Variants in PARD3B observed in about 807,000 individuals in gnomAD.
PARD3B encodes the protein partitioning defective 3 homolog B.
PARD3B carries 103 observed loss-of-function variants against 130.2 expected under a neutral mutation model. The ratio of observed to expected loss-of-function variants is 0.79; its 90% CI spans 0.67 to 0.93. The LOEUF (loss-of-function observed/expected upper bound fraction) is 0.93, where lower values mean the gene tolerates loss of function less well. Among genes scored for constraint, PARD3B ranks in the 40% least tolerant of loss-of-function variants. The pLI is 0.00. For missense variants in PARD3B, 1,609 were observed against 1,499.2 expected (o/e 1.07, Z -1.21); for synonymous variants, 583 against 553.2 (o/e 1.05, Z -0.76).
intron 15 of PARD3B, among the ~76,000 whole-genome samples, chr2:205,210,253 A>G (rs6731255): frequency 6.6e-6 from 1 of 151,684 alleles, no homozygotes; most frequent in Non-Finnish European, 1.5e-5. Context: ...AAATAAAAAG[A>G]AAATCAGCTT....
chr2:204,953,065 T>G (rs171049), intron 2 of PARD3B, among the ~76,000 whole-genome samples: 99,018 of 148,198 alleles, frequency 0.67, 34,732 homozygotes, highest in African/African-American at 0.88. Flanking sequence ...CGTATATATA[T>G]AGAGAGAGAG....
rs143725954 is a variant in PARD3B at position 205,386,124 on chromosome 2, G to A, written c.2631-14889G>A. On this transcript the variant is annotated intron_variant, in intron 18 of 22. Coordinates refer to ENST00000406610, the MANE Select transcript of PARD3B (RefSeq NM_001302769.2). ...GCGATATTACAAAGTCTGGAATCGT[G>A]TTTTGTCTTTCACCTGTGAAAATGT... is the stretch of plus-strand genomic sequence containing the variant. 2.6e-5 allele frequency among the ~76,000 whole-genome samples: 4 copies of A among 152,272 alleles called. No homozygotes were observed. The East Asian group carries it at 5.8e-4, about 22-fold the overall frequency.
At chr2:204,847,387 A>T (rs749252877) in intron 2 of PARD3B, among the ~76,000 whole-genome samples, 8 of 152,168 alleles carry the variant, frequency 5.3e-5, no homozygotes, top group Non-Finnish European at 1.2e-4. Flanking sequence ...TCATGAAAAA[A>T]ACTGGAGAGT....
intron 2 of PARD3B, among the ~76,000 whole-genome samples, chr2:204,785,348 C>G (rs1468262932): frequency 1.3e-5 from 2 of 152,092 alleles, no homozygotes; most frequent in African/African-American, 2.4e-5. Context: ...TACTTTTCCC[C>G]CAGCCCCTCC....
chr2:204,615,886 C>T (rs550012881), intron 1 of PARD3B, among the ~76,000 whole-genome samples: 26 of 152,220 alleles, frequency 1.7e-4, no homozygotes, highest in African/African-American at 4.8e-4. Context: ...ATTGAAAAGA[C>T]ATGTAATCAA....
intron 2 of PARD3B, among the ~76,000 whole-genome samples, chr2:204,750,743 TAC>T (rs112326522): frequency 0.013 from 1,930 of 152,268 alleles, 44 homozygotes; most frequent in African/African-American, 0.044. Context: ...GGCAGATAAA[TAC>T]TATCCTCCTT....
chr2:204,731,338 T>C (rs1320518526), intron 2 of PARD3B, among the ~76,000 whole-genome samples: 1 of 152,220 alleles, frequency 6.6e-6, no homozygotes, highest in South Asian at 2.1e-4. Context: ...TTACTGGCTG[T>C]TGAGTCTTGC....
At chr2:205,284,713 C>A (rs1411637547) in intron 16 of PARD3B, among the ~76,000 whole-genome samples, 2 of 152,090 alleles carry the variant, frequency 1.3e-5, no homozygotes, top group East Asian at 1.9e-4. Context: ...GCTAAAATTT[C>A]AAATGTAGTA....
chr2:204,647,637 A>G (rs1469249168), intron 1 of PARD3B, among the ~76,000 whole-genome samples: 1 of 151,838 alleles, frequency 6.6e-6, no homozygotes. Flanking sequence ...ATTTGAAGAC[A>G]TATTTTAGAA....
intron 18 of PARD3B, among the ~76,000 whole-genome samples, chr2:205,331,288 C>CACACACAT (rs1199253810): frequency 6.6e-6 from 1 of 151,578 alleles, no homozygotes; most frequent in African/African-American, 2.4e-5. Context: ...CACACACACA[C>CACACACAT]ACGTACACAT....
intron 2 of PARD3B, among the ~76,000 whole-genome samples, chr2:204,724,242 G>A (rs1053846368): frequency 6.6e-6 from 1 of 152,108 alleles, no homozygotes; most frequent in African/African-American, 2.4e-5. Flanking sequence ...AAGTATTGTT[G>A]CTAATCAAAA....
chr2:205,474,208 C>G (rs567432465), intron 20 of PARD3B, among the ~76,000 whole-genome samples: 14 of 151,454 alleles, frequency 9.2e-5, no homozygotes, highest in Non-Finnish European at 1.9e-4. Context: ...TCTTAATTTT[C>G]TCTGAGTATT....
chr2:204,847,850 G>A (rs759986779), intron 2 of PARD3B, among the ~76,000 whole-genome samples: 1 of 152,156 alleles, frequency 6.6e-6, no homozygotes, highest in African/African-American at 2.4e-5. Flanking sequence ...GGAAAACATC[G>A]TATGCTGAGG....
At chr2:204,977,153 A>G (rs1692245343) in intron 3 of PARD3B, among the ~76,000 whole-genome samples, 1 of 152,136 alleles carries the variant, frequency 6.6e-6, no homozygotes, top group Admixed American at 6.5e-5. Flanking sequence ...AATTACCACA[A>G]AGGTTTCAAA....
At chr2:205,365,382 G>GAAAAA (rs11401922) in intron 18 of PARD3B, among the ~76,000 whole-genome samples, 1 of 144,064 alleles carries the variant, frequency 6.9e-6, no homozygotes, top group Non-Finnish European at 1.5e-5. Flanking sequence ...CTCCGTCTCA[G>GAAAAA]AAAAAAAAAA....
intron 15 of PARD3B, among the ~76,000 whole-genome samples, chr2:205,236,057 TAAGGC>T (rs2039048755): frequency 6.6e-6 from 1 of 152,170 alleles, no homozygotes; most frequent in Non-Finnish European, 1.5e-5. Flanking sequence ...CAAAGGATGT[TAAGGC>T]AATATTATGC....
At chr2:205,468,888 A>G (rs901072686) in intron 20 of PARD3B, among the ~76,000 whole-genome samples, 4 of 151,584 alleles carry the variant, frequency 2.6e-5, no homozygotes, top group South Asian at 2.1e-4. Context: ...CGTCCTCCCA[A>G]TTTTCTGAGG....
At chr2:204,637,860 A>C (rs1305099568) in intron 1 of PARD3B, among the ~76,000 whole-genome samples, 2 of 152,044 alleles carry the variant, frequency 1.3e-5, no homozygotes, top group Non-Finnish European at 2.9e-5. Context: ...AGAAGAATGC[A>C]CAGTGTACTG....
chr2:204,988,568 A>G (rs1001742509), intron 3 of PARD3B, among the ~76,000 whole-genome samples: 3 of 152,218 alleles, frequency 2.0e-5, no homozygotes, highest in Non-Finnish European at 2.9e-5. Flanking sequence ...ATTTCATATT[A>G]CATACCTGTA....
Sources: allele counts gnomAD v4.1 joint callset (sites outside exome capture counted in the v4.1 genomes callset), GRCh38; gene constraint gnomAD v4.1.1; transcripts MANE v1.5; gene names NCBI Gene and HGNC (gene_info 2026-07-23, HGNC 2026-07-21).